DNM3: variants seen among roughly 807,000 people sequenced by gnomAD.
The protein encoded by DNM3 is dynamin 3.
Under a neutral mutation model 101.6 loss-of-function variants are expected in DNM3, and 47 were observed. The ratio of observed to expected loss-of-function variants is 0.46; its 90% CI spans 0.37 to 0.59. The LOEUF (loss-of-function observed/expected upper bound fraction) is 0.59, where lower values mean the gene tolerates loss of function less well. Ranked by LOEUF, DNM3 falls within the 20% of genes least tolerant of loss-of-function variation. The pLI is 0.00. For missense variants in DNM3, 849 were observed against 1,085.7 expected (o/e 0.78, Z 3.06); for synonymous variants, 385 against 387.9 (o/e 0.99, Z 0.09).
chr1:172,154,746 A>G (rs571041209), intron 14 of DNM3, among the ~76,000 whole-genome samples: 1 of 152,190 alleles, frequency 6.6e-6, no homozygotes, highest in African/African-American at 2.4e-5. Flanking sequence ...ATGGATGAGT[A>G]ATTTTGTTTC....
intron 1 of DNM3, among the ~76,000 whole-genome samples, chr1:171,882,275 G>A (rs537573804): frequency 2.1e-4 from 32 of 150,722 alleles, no homozygotes; most frequent in African/African-American, 5.4e-4. Flanking sequence ...CCTGGGAGGC[G>A]GAGGTTGCGG....
chr1:172,274,404 A>G (rs559981901), intron 15 of DNM3, among the ~76,000 whole-genome samples: 4 of 152,180 alleles, frequency 2.6e-5, no homozygotes, highest in Admixed American at 2.6e-4. Flanking sequence ...CAGCCTTATC[A>G]CCAACAACAT....
intron 13 of DNM3, among the ~76,000 whole-genome samples, chr1:172,125,188 G>A (rs1197389874): frequency 6.6e-6 from 1 of 152,062 alleles, no homozygotes; most frequent in African/African-American, 2.4e-5. Context: ...AACGGTGCAT[G>A]GATTATAACC....
At chr1:172,182,035 G>C (rs576211777) in intron 14 of DNM3, among the ~76,000 whole-genome samples, 1 of 152,088 alleles carries the variant, frequency 6.6e-6, no homozygotes, top group South Asian at 2.1e-4. Flanking sequence ...GGGGTTTCAA[G>C]ACTGATAGTC....
At chr1:172,330,089 T>C (rs778000229) in intron 17 of DNM3, among the ~76,000 whole-genome samples, 14 of 152,214 alleles carry the variant, frequency 9.2e-5, no homozygotes, top group Middle Eastern at 3.2e-3. Flanking sequence ...TTAAATGCCT[T>C]GGTTAGGCGC....
intron 14 of DNM3, among the ~76,000 whole-genome samples, chr1:172,172,338 T>C (rs1412729648): frequency 1.3e-5 from 2 of 151,684 alleles, no homozygotes; most frequent in East Asian, 3.9e-4. Context: ...TACTGAATCC[T>C]ATGCATACTA....
intron 15 of DNM3, among the ~76,000 whole-genome samples, chr1:172,279,568 C>A (rs188759679): frequency 2.0e-5 from 3 of 152,102 alleles, no homozygotes; most frequent in Non-Finnish European, 4.4e-5. Flanking sequence ...GGCTTCAAAT[C>A]TATATCCAGG....
At chr1:172,194,253 C>T (rs1254251554) in intron 14 of DNM3, among the ~76,000 whole-genome samples, 1 of 152,130 alleles carries the variant, frequency 6.6e-6, no homozygotes, top group African/African-American at 2.4e-5. Context: ...TGTTGTTTTA[C>T]ATTTGCTGAG....
At chr1:171,997,492 T>A (rs548075114) in intron 4 of DNM3, among the ~76,000 whole-genome samples, 31 of 152,268 alleles carry the variant, frequency 2.0e-4, no homozygotes, top group African/African-American at 7.2e-4. Context: ...CCTAGCACAG[T>A]CTCGCCATAG....
rs1185183732 is a variant in DNM3, at chr1:171,921,776, G to T, written c.190G>T (p.Val64Leu). The change falls in exon 2 of 21, where the codon GTA (valine) becomes TTA (leucine). Residue 64 changes from valine (V) to leucine (L), a missense_variant. Transcript: ENST00000627582. The stretch of plus-strand genomic sequence containing the variant: ...CTTTCTCCCTCGAGGGTCGGGCATT[G>T]TAACAAGACGACCTCTTGTGCTGCA... The part of the protein sequence containing the change: ...RDFLPRGSGI[V>L]TRRPLVLQLV... 1.2e-6 allele frequency: 2 copies of T among 1,601,264 alleles called. No individual in the cohort carries two copies. Among genetic ancestry groups the T allele is most frequent in the Non-Finnish European group, 1.7e-6 (2 of 1,173,020 alleles).
chr1:171,867,577 T>C lies in DNM3; in HGVS notation c.161+25760T>C, dbSNP rs573103237. Among the ~76,000 whole-genome samples, 7 of 152,370 alleles carry C rather than the reference T, an allele frequency of 4.6e-5. No homozygotes were observed. In the South Asian group the frequency reaches 1.4e-3, roughly 32 times the overall value. On this transcript the variant is annotated intron_variant, in intron 1 of 20. Coordinates refer to ENST00000627582, the MANE Select transcript of DNM3 (RefSeq NM_015569.5). ...TTAGAGGCACCCAAACTGGTTTTTG[T>C]ATATTTATGGTATTGTCACTCATAA...
intron 15 of DNM3, among the ~76,000 whole-genome samples, chr1:172,288,193 A>G (rs1266826432): frequency 6.6e-6 from 1 of 152,212 alleles, no homozygotes; most frequent in Admixed American, 6.5e-5. Context: ...ACAACTGCTA[A>G]TTACAACTAC....
intron 17 of DNM3, among the ~76,000 whole-genome samples, chr1:172,326,418 C>T (rs1013209955): frequency 1.3e-5 from 2 of 152,166 alleles, no homozygotes; most frequent in Admixed American, 1.3e-4. Flanking sequence ...CCAGGACACC[C>T]TGAGTCAGTT....
At chr1:172,009,718 T>G (rs1283926509) in intron 4 of DNM3, among the ~76,000 whole-genome samples, 1 of 151,732 alleles carries the variant, frequency 6.6e-6, no homozygotes, top group Non-Finnish European at 1.5e-5. Flanking sequence ...ACATCTTTTT[T>G]TTTTTCATTT....
intron 2 of DNM3, among the ~76,000 whole-genome samples, chr1:171,953,439 T>C (rs1470801690): frequency 1.3e-5 from 2 of 150,266 alleles, no homozygotes; most frequent in Non-Finnish European, 3.0e-5. Flanking sequence ...TTTTTTTTTT[T>C]CCTCCCAAGA....
intron 2 of DNM3, among the ~76,000 whole-genome samples, chr1:171,966,073 C>T (rs1307140755): frequency 6.6e-6 from 1 of 152,190 alleles, no homozygotes; most frequent in Non-Finnish European, 1.5e-5. Flanking sequence ...TCTTATGTTG[C>T]ATTCACCACT....
chr1:171,965,926 G>A lies in DNM3; in HGVS notation c.236-21730G>A, dbSNP rs145608591. Among the ~76,000 whole-genome samples, 108 of 152,036 alleles carry A rather than the reference G, an allele frequency of 7.1e-4. 1 individual carries two copies. The highest frequency in any genetic ancestry group is 2.3e-3 in the African/African-American group (97 of 41,352). On this transcript the variant is annotated intron_variant, in intron 2 of 20. Coordinates refer to ENST00000627582, the MANE Select transcript of DNM3 (RefSeq NM_015569.5). ...GTCAATGAAGAATCCCCCCATTAGCGTAAACTTAGGTATGGTTGAAAGGGA... is the reference window on the plus strand; with the variant it reads ...GTCAATGAAGAATCCCCCCATTAGCATAAACTTAGGTATGGTTGAAAGGGA...
intron 17 of DNM3, among the ~76,000 whole-genome samples, chr1:172,356,477 A>G (rs1173976643): frequency 6.6e-6 from 1 of 152,142 alleles, no homozygotes; most frequent in East Asian, 1.9e-4. Context: ...AATCCAAGTT[A>G]CACTTTGCTA....
At position 172,408,532 on chromosome 1, in the gene DNM3, C is replaced by T; in HGVS notation, c.*691C>T. ...AATAAAAGCTTCTTTTTTTGTTAAT[C>T]AGTCAATAAATTTGGCTAATTAGTT... On this transcript the variant is annotated 3_prime_UTR_variant, in exon 21 of 21. Transcript: ENST00000627582. 1.0e-6 allele frequency: 1 copy of T among 985,250 alleles called. No homozygotes were observed. Among genetic ancestry groups the T allele is most frequent in the Non-Finnish European group, 1.2e-6 (1 of 829,864 alleles). 61.0% of individuals were successfully genotyped at this position (985,250 alleles called of 1,614,324 possible).
Sources: allele counts gnomAD v4.1 joint callset (sites outside exome capture counted in the v4.1 genomes callset), GRCh38; gene constraint gnomAD v4.1.1; transcripts MANE v1.5; gene names NCBI Gene and HGNC (gene_info 2026-07-23, HGNC 2026-07-21).